Variants in ABHD13 observed in about 807,000 individuals in gnomAD.
ABHD13 encodes the protein protein ABHD13.
ABHD13 carries 7 observed loss-of-function variants against 25.2 expected under a neutral mutation model. The observed-to-expected ratio is 0.28, with a 90% CI of 0.16 to 0.52. The LOEUF (loss-of-function observed/expected upper bound fraction) is 0.52, where lower values mean the gene tolerates loss of function less well. Ranked by LOEUF, ABHD13 falls within the 20% of genes least tolerant of loss-of-function variation. The pLI, the probability that ABHD13 is intolerant of heterozygous loss-of-function variation, is 0.96. For synonymous variants in ABHD13, 133 were observed against 136.1 expected (o/e 0.98, Z 0.16); for missense variants, 302 against 402.7 (o/e 0.75, Z 2.14).
rs961164574 is a variant in ABHD13, at chr13:108,232,932, AT to A, written c.*2703del. On this transcript the variant is annotated 3_prime_UTR_variant, in exon 2 of 2. Coordinates refer to ENST00000375898, the MANE Select transcript of ABHD13 (RefSeq NM_032859.3). ...AAGGAAAGTGTGACACAGTTTTTAA[AT>A]TTAGATGTAGAAAATAATGAATTAA... is the stretch of plus-strand genomic sequence containing the variant. The A allele has an allele frequency of 3.0e-5, 5 of 166,920 alleles. No homozygotes were observed. The highest frequency in any genetic ancestry group is 7.4e-5 in the Non-Finnish European group (5 of 68,012). 10.3% of individuals were successfully genotyped at this position (166,920 alleles called of 1,614,324 possible). A position where few individuals can be genotyped will look rare whatever the true frequency, so the allele number is the denominator to read the frequency against.
chr13:108,229,550 C>T lies in ABHD13; in HGVS notation c.332C>T (p.Ser111Leu). The change falls in exon 2 of 2, where the codon TCA becomes TTA. Residue 111 changes from serine to leucine, a missense_variant. By Grantham distance (145) the Ser-to-Leu change is moderately radical (BLOSUM62 -2). Transcript: ENST00000375898. The surrounding 1 kb of genome is among the most constrained non-coding windows in gnomAD (Gnocchi z 4.7). Reference sequence around the variant, plus strand: ...TTGATACGATACACTGGAGACAATTCACCCTATTCCCCAACTATAATTTAT... The same window carrying T: ...TTGATACGATACACTGGAGACAATTTACCCTATTCCCCAACTATAATTTAT... ...LILIRYTGDN[S>L]PYSPTIIYFH... is the part of the protein sequence containing the mutation. The T allele has an allele frequency of 1.9e-6, 3 of 1,613,338 alleles. No individual in the cohort carries two copies. The highest frequency in any genetic ancestry group is 2.5e-6 in the Non-Finnish European group (3 of 1,179,548).
intron 1 of ABHD13, among the ~76,000 whole-genome samples, chr13:108,226,705 T>C (rs1879680696): frequency 6.6e-6 from 1 of 152,216 alleles, no homozygotes; most frequent in South Asian, 2.1e-4. Context: ...CATCTGGGTA[T>C]GAAGTTGTTT....
chr13:108,227,452 A>G (rs1879698739), intron 1 of ABHD13, among the ~76,000 whole-genome samples: 1 of 152,114 alleles, frequency 6.6e-6, no homozygotes, highest in South Asian at 2.1e-4. Context: ...AGAGGCTACT[A>G]AAACGAAAAT....
At chr13:108,227,245 T>C (rs1034934968) in intron 1 of ABHD13, among the ~76,000 whole-genome samples, 3 of 152,148 alleles carry the variant, frequency 2.0e-5, no homozygotes, top group African/African-American at 4.8e-5. Flanking sequence ...GTTTTAAACA[T>C]ATATGCCCAC....
At position 108,233,485 on chromosome 13, in the gene ABHD13, A is replaced by G. The variant is rs1459213330; in HGVS notation, c.*3253A>G. 5 of 165,896 alleles carry G rather than the reference A, an allele frequency of 3.0e-5. No homozygotes were observed. 10.3% of individuals were successfully genotyped at this position (165,896 alleles called of 1,614,324 possible). A position where few individuals can be genotyped will look rare whatever the true frequency, so the allele number is the denominator to read the frequency against. On this transcript the variant is annotated 3_prime_UTR_variant, in exon 2 of 2. Coordinates refer to ENST00000375898, the MANE Select transcript of ABHD13 (RefSeq NM_032859.3). ...CATGATTGAGATACTGAACTCTTCC[A>G]CTCATTCTTCTTTCCCATTTTCCTA...
intron 1 of ABHD13, among the ~76,000 whole-genome samples, chr13:108,226,287 CA>C (rs1440937137): frequency 6.6e-6 from 1 of 152,140 alleles, no homozygotes; most frequent in African/African-American, 2.4e-5. Context: ...CCACAGGAAA[CA>C]GTGTCTTTTT....
intron 1 of ABHD13, among the ~76,000 whole-genome samples, chr13:108,223,764 A>T (rs1197315655): frequency 6.6e-6 from 1 of 152,210 alleles, no homozygotes. Flanking sequence ...GGGGACCCTC[A>T]GGTTTCTGAC....
rs1282281959 is a variant in ABHD13 at position 108,232,815 on chromosome 13, T to C, written c.*2583T>C. On this transcript the variant is annotated 3_prime_UTR_variant, in exon 2 of 2. Coordinates refer to ENST00000375898, the MANE Select transcript of ABHD13 (RefSeq NM_032859.3). ...GGGGGAAAAACTGGTGAAAAAGAAA[T>C]ATAAAAAGGACCCTAAAAAGAATTC... 6.0e-6 allele frequency: 1 copy of C among 166,502 alleles called. No individual in the cohort carries two copies. Among genetic ancestry groups the C allele is most frequent in the Non-Finnish European group, 1.5e-5 (1 of 67,938 alleles). The allele number at this position is 166,502 out of a possible 1,614,324, so 10.3% of individuals were successfully genotyped here.
intron 1 of ABHD13, among the ~76,000 whole-genome samples, chr13:108,220,306 T>C (rs1342089718): frequency 6.6e-6 from 1 of 152,218 alleles, no homozygotes; most frequent in Non-Finnish European, 1.5e-5. Flanking sequence ...CAAAGACCTC[T>C]TGGCATGTGG....
At position 108,234,143 on chromosome 13, in the gene ABHD13, GCAAA is replaced by G. The variant is rs1409343102; in HGVS notation, c.*3914_*3917del. The G allele has an allele frequency of 1.2e-5, 2 of 166,900 alleles. No homozygotes were observed. The highest frequency in any genetic ancestry group is 6.6e-5 in the Admixed American group (1 of 15,264). 10.3% of individuals were successfully genotyped at this position (166,900 alleles called of 1,614,324 possible). On this transcript the variant is annotated 3_prime_UTR_variant, in exon 2 of 2. Transcript: ENST00000375898. ...GTACATTGTGTGCTAACCATGGCAA[GCAAA>G]CATTTACATTTGTTTTTTACAATAA...
Position 108,232,498 on chromosome 13 carries a change from T to G in ABHD13, c.*2266T>G, listed in dbSNP as rs1199170065. The G allele has an allele frequency of 6.0e-6, 1 of 166,942 alleles. No homozygotes were observed. The highest frequency in any genetic ancestry group is 1.5e-5 in the Non-Finnish European group (1 of 68,016). The allele number at this position is 166,942 out of a possible 1,614,324, so 10.3% of individuals were successfully genotyped here. On this transcript the variant is annotated 3_prime_UTR_variant, in exon 2 of 2. Transcript: ENST00000375898. ...TCCATGAAGCCCATGGCATCATTTTTGAAAATATTTCTAGTTTTGTAGCCA... is the reference window on the plus strand; with the variant it reads ...TCCATGAAGCCCATGGCATCATTTTGGAAAATATTTCTAGTTTTGTAGCCA...
Position 108,233,703 on chromosome 13 carries a change from A to G in ABHD13, c.*3471A>G, listed in dbSNP as rs1361933179. The G allele has an allele frequency of 6.2e-6, 1 of 161,858 alleles. No homozygotes were observed. Among genetic ancestry groups the G allele is most frequent in the African/African-American group, 2.4e-5 (1 of 41,166 alleles). The allele number at this position is 161,858 out of a possible 1,614,324, so 10.0% of individuals were successfully genotyped here. A position where few individuals can be genotyped will look rare whatever the true frequency, so the allele number is the denominator to read the frequency against. ...TGTACTTCTGTTTATTCTTAATACT[A>G]TATATATATATACACACATAGTTTT... On this transcript the variant is annotated 3_prime_UTR_variant, in exon 2 of 2. Transcript: ENST00000375898.
chr13:108,229,880 G>A lies in ABHD13; in HGVS notation c.662G>A (p.Ser221Asn). The change falls in exon 2 of 2, where the codon AGC (serine) becomes AAC (asparagine). Residue 221 changes from serine (S) to asparagine (N), a missense_variant. Transcript: ENST00000375898. This position sits in a 1 kb window ranked among gnomAD's most constrained non-coding sequence, Gnocchi z 4.7. The stretch of plus-strand genomic sequence containing the variant: ...ATTATGGTGGAGAACACATTTTTAA[G>A]CATACCACATATGGCCAGCACTTTA... ...SAIMVENTFLSIPHMASTLFS... is the reference protein window; with the variant it reads ...SAIMVENTFLNIPHMASTLFS... The A allele has an allele frequency of 1.2e-6, 2 of 1,613,364 alleles. No homozygotes were observed. The highest frequency in any genetic ancestry group is 8.5e-7 in the Non-Finnish European group (1 of 1,179,468).
At chr13:108,226,608 A>C (rs1566380554) in intron 1 of ABHD13, among the ~76,000 whole-genome samples, 2 of 152,212 alleles carry the variant, frequency 1.3e-5, no homozygotes, top group Admixed American at 1.3e-4. Context: ...ATTTATTGAC[A>C]AAATCAATAG....
chr13:108,218,678 C>A lies in ABHD13; in HGVS notation c.-21+19C>A, dbSNP rs1047386360. On this transcript the variant is annotated intron_variant, in intron 1 of 1. Transcript: ENST00000375898. ...AGTCTGAGTAAGTGCGGCTCGGGGACCCCGAGCCCGCGGGGCCCGAGCGCC... is the reference window on the plus strand; with the variant it reads ...AGTCTGAGTAAGTGCGGCTCGGGGAACCCGAGCCCGCGGGGCCCGAGCGCC... 7.3e-5 allele frequency: 11 copies of A among 151,514 alleles called. No individual in the cohort carries two copies. Among genetic ancestry groups the A allele is most frequent in the African/African-American group, 2.2e-4 (9 of 41,316 alleles). 9.4% of individuals were successfully genotyped at this position (151,514 alleles called of 1,614,324 possible).
chr13:108,225,171 T>C (rs188264012), intron 1 of ABHD13, among the ~76,000 whole-genome samples: 1 of 152,340 alleles, frequency 6.6e-6, no homozygotes, highest in Non-Finnish European at 1.5e-5. Flanking sequence ...GCTTTTTTTG[T>C]GTATAATTAG....
chr13:108,227,969 AT>A (rs1879710092), intron 1 of ABHD13, among the ~76,000 whole-genome samples: 1 of 152,084 alleles, frequency 6.6e-6, no homozygotes, highest in African/African-American at 2.4e-5. Context: ...ATAGAAAAAA[AT>A]CAAATTTGTT....
At position 108,230,385 on chromosome 13, in the gene ABHD13, T is replaced by G. The variant is rs1403259229; in HGVS notation, c.*153T>G. The G allele has an allele frequency of 3.1e-6, 2 of 644,910 alleles. No individual in the cohort carries two copies. Among genetic ancestry groups the G allele is most frequent in the African/African-American group, 3.7e-5 (2 of 53,458 alleles). 39.9% of individuals were successfully genotyped at this position (644,910 alleles called of 1,614,324 possible). ...CTCCTTTACGATATTCCAAATAGTTTTTTACATTGGAAAAACTAATTCTTG... is the reference window on the plus strand; with the variant it reads ...CTCCTTTACGATATTCCAAATAGTTGTTTACATTGGAAAAACTAATTCTTG... On this transcript the variant is annotated 3_prime_UTR_variant, in exon 2 of 2. Coordinates refer to ENST00000375898, the MANE Select transcript of ABHD13 (RefSeq NM_032859.3).
At chr13:108,223,226 T>C (rs150257723) in intron 1 of ABHD13, among the ~76,000 whole-genome samples, 2 of 152,332 alleles carry the variant, frequency 1.3e-5, no homozygotes, top group African/African-American at 4.8e-5. Context: ...CACAGTGCCA[T>C]CAAAAAGGTC....
Sources: gnomAD v4.1 joint callset for allele counts (sites outside exome capture counted in the v4.1 genomes callset) on GRCh38, gnomAD v4.1.1 for gene constraint, Gnocchi (gnomAD v3.1) non-coding constraint, MANE v1.5 for transcripts, NCBI Gene and HGNC (gene_info 2026-07-23, HGNC 2026-07-21) for gene names.